PDE6B: variants seen among roughly 807,000 people sequenced by gnomAD.
PDE6B encodes rod cGMP-specific 3',5'-cyclic phosphodiesterase subunit beta.
Under a neutral mutation model 109.0 loss-of-function variants are expected in PDE6B, and 106 were observed. The observed-to-expected ratio is 0.97, with a 90% CI of 0.83 to 1.14. The LOEUF (loss-of-function observed/expected upper bound fraction) is 1.14. Ranked by LOEUF, PDE6B falls within the 50% of genes most tolerant of loss-of-function variation. The pLI, the probability that PDE6B is intolerant of heterozygous loss-of-function variation, is 0.00. For synonymous variants in PDE6B, 490 were observed against 471.3 expected, an observed-to-expected ratio of 1.04 and a Z score of -0.51; for missense variants, 1,193 against 1,155.6, an observed-to-expected ratio of 1.03 and a Z score of -0.47.
chr4:656,872 A>G lies in PDE6B; in HGVS notation c.1108-2A>G, dbSNP rs1316718953. The G allele has an allele frequency of 2.5e-6, 4 of 1,612,544 alleles. No homozygotes were observed. The highest frequency in any genetic ancestry group is 3.4e-6 in the Non-Finnish European group (4 of 1,179,872). On this transcript the variant is annotated splice_acceptor_variant, in intron 8 of 21. Coordinates refer to ENST00000496514, the MANE Select transcript of PDE6B (RefSeq NM_000283.4). LOFTEE classifies it high-confidence loss of function. The stretch of plus-strand genomic sequence containing the variant: ...GCTCAGCTCTGGACACCGCTCCCGC[A>G]GGAAGGGGCCCTGGACGACTCCGGG...
intron 3 of PDE6B, among the ~76,000 whole-genome samples, chr4:647,051 T>C (rs2109163042): frequency 6.6e-6 from 1 of 151,854 alleles, no homozygotes; most frequent in Non-Finnish European, 1.5e-5. Context: ...TAGAGATGAG[T>C]GTCACCATGT....
rs576553388 is a variant in PDE6B at position 667,301 on chromosome 4, G to T, written c.2353-555G>T. ...CCGGAGTGGGCTGTGCCCACTCCCCGCCCCATCCTACCCACCCCGGGTCGT... is the reference window on the plus strand; with the variant it reads ...CCGGAGTGGGCTGTGCCCACTCCCCTCCCCATCCTACCCACCCCGGGTCGT... On this transcript the variant is annotated intron_variant, in intron 20 of 21. Coordinates refer to ENST00000496514, the MANE Select transcript of PDE6B (RefSeq NM_000283.4). 6.8e-4 allele frequency among the ~76,000 whole-genome samples: 103 copies of T among 151,602 alleles called. 1 individual carries two copies. Among genetic ancestry groups the T allele is most frequent in the African/African-American group, 2.2e-3 (92 of 41,450 alleles).
At chr4:664,034 G>A (rs770275265) in intron 16 of PDE6B, 80 bp from the exon 17 acceptor site, 9 of 1,198,226 alleles carry the variant, frequency 7.5e-6, no homozygotes, top group South Asian at 3.6e-5. Context: ...CTCGGGCTCC[G>A]CGCCTCCCTG....
intron 3 of PDE6B, chr4:652,712 G>A (rs998959902): frequency 1.3e-5 from 2 of 156,446 alleles, no homozygotes; most frequent in Non-Finnish European, 2.8e-5. Flanking sequence ...TCCTGGGGGT[G>A]CGTGTGCAAC....
At chr4:634,876 T>TGCCTGCCC (rs1253345402) in intron 2 of PDE6B, 47 bp downstream of exon 2, 4 of 1,554,844 alleles carry the variant, frequency 2.6e-6, no homozygotes, top group Non-Finnish European at 3.5e-6. Context: ...CCTCCCTGCC[T>TGCCTGCCC]GCCTGCCCGC....
Position 626,220 on chromosome 4 carries a change from T to C in PDE6B, c.468+126T>C, listed in dbSNP as rs1042373227. 1.5e-6 allele frequency: 1 copy of C among 653,158 alleles called. No individual in the cohort carries two copies. The highest frequency in any genetic ancestry group is 2.7e-6 in the Non-Finnish European group (1 of 369,628). 40.5% of individuals were successfully genotyped at this position (653,158 alleles called of 1,614,324 possible). Reference sequence around the variant, plus strand: ...CTCTTGTCAGGGCACAGGCTAGTTCTGTGCTGAGGAGCAAGTACCTAGAGC... The same window carrying C: ...CTCTTGTCAGGGCACAGGCTAGTTCCGTGCTGAGGAGCAAGTACCTAGAGC... On this transcript the variant is annotated intron_variant, in intron 1 of 21. Coordinates refer to ENST00000496514, the MANE Select transcript of PDE6B (RefSeq NM_000283.4). The surrounding 1 kb of genome is among the most constrained non-coding windows in gnomAD (Gnocchi z 4.6).
At chr4:634,363 G>A (rs1000956555) in intron 1 of PDE6B, among the ~76,000 whole-genome samples, 2 of 152,158 alleles carry the variant, frequency 1.3e-5, no homozygotes, top group East Asian at 1.9e-4. Flanking sequence ...GAAGCCCGAC[G>A]TGGCCGGAGG....
intron 5 of PDE6B, 47 bp from the exon 6 acceptor site, chr4:654,777 C>G (rs769079297): frequency 2.0e-6 from 2 of 975,948 alleles, no homozygotes; most frequent in Admixed American, 3.4e-5. Context: ...GTGAGCCCCT[C>G]AGAGCTTGGC....
chr4:658,942 C>G lies in PDE6B; in HGVS notation c.1402-10C>G. On this transcript the variant is annotated splice_polypyrimidine_tract_variant and intron_variant, in intron 10 of 21. Transcript: ENST00000496514. ...GCTCTTTCTCGTGACACATCTGTGTCTCTGTGTAGCCAACCAGAGCGCGCC... is the reference window on the plus strand; with the variant it reads ...GCTCTTTCTCGTGACACATCTGTGTGTCTGTGTAGCCAACCAGAGCGCGCC... 1 of 1,606,810 alleles carries G rather than the reference C, an allele frequency of 6.2e-7. No individual in the cohort carries two copies. Among genetic ancestry groups the G allele is most frequent in the Non-Finnish European group, 8.5e-7 (1 of 1,173,740 alleles).
At chr4:661,848 G>A (rs1577295857) in intron 12 of PDE6B, 1 of 482,824 alleles carries the variant, frequency 2.1e-6, no homozygotes, top group Admixed American at 3.3e-5. Flanking sequence ...CCCAGCTTGA[G>A]GCCAGGCAGT....
intron 6 of PDE6B, 135 bp from the exon 7 acceptor site, chr4:655,805 T>C: frequency 2.7e-6 from 2 of 734,116 alleles, no homozygotes; most frequent in Non-Finnish European, 5.0e-6. Flanking sequence ...GACCAGCCCC[T>C]CTGACCCCTG....
rs755870254 is a variant in PDE6B, at chr4:661,956, A to G, written c.1615-178A>G. On this transcript the variant is annotated intron_variant, in intron 12 of 21. Transcript: ENST00000496514. ...GGTGCCAATGTGGCAGCCCCTACCC[A>G]GGAAGGCCAGCAGAGGCCAGTGGGA... The G allele has an allele frequency of 1.4e-4, 87 of 640,464 alleles. 1 individual carries two copies. The highest frequency in any genetic ancestry group is 6.7e-4 in the South Asian group (39 of 57,920). The allele number at this position is 640,464 out of a possible 1,614,324, so 39.7% of individuals were successfully genotyped here. A position where few individuals can be genotyped will look rare whatever the true frequency, so the allele number is the denominator to read the frequency against.
chr4:630,206 C>T (rs997423421), intron 1 of PDE6B, among the ~76,000 whole-genome samples: 8 of 152,120 alleles, frequency 5.3e-5, no homozygotes, highest in Admixed American at 6.5e-5. Flanking sequence ...AGCTGGCAGT[C>T]GGACAGGGAG....
Position 669,659 on chromosome 4 carries a change from CCGCTACGCCATG to C in PDE6B, c.2504-385_2504-374del, listed in dbSNP as rs1170552153. ...GCTATTCCCCTACCCCATGCTATTCCCGCTACGCCATGCTATTCCCGCTACCCCATGCTATTC... is the reference window on the plus strand; with the variant it reads ...GCTATTCCCCTACCCCATGCTATTCCCTATTCCCGCTACCCCATGCTATTC... On this transcript the variant is annotated intron_variant, in intron 21 of 21. Transcript: ENST00000496514. 3.3e-5 allele frequency among the ~76,000 whole-genome samples: 4 copies of C among 121,190 alleles called. 2 individuals are homozygous for C. The highest frequency in any genetic ancestry group is 1.6e-4 in the African/African-American group (4 of 25,756). 79.5% of individuals were successfully genotyped at this position (121,190 alleles called of 152,430 possible).
chr4:653,737 T>G (rs1577270459), intron 3 of PDE6B, 115 bp from the exon 4 acceptor site: 3 of 1,153,728 alleles, frequency 2.6e-6, no homozygotes, highest in Non-Finnish European at 1.3e-6. Flanking sequence ...GCTGGGCAGG[T>G]GGTCAGATCA....
chr4:625,683 C>T lies in PDE6B; in HGVS notation c.57C>T (p.Ala19=), dbSNP rs1429310895. The T allele has an allele frequency of 1.2e-6, 2 of 1,613,866 alleles. No homozygotes were observed. Among genetic ancestry groups the T allele is most frequent in the East Asian group, 4.5e-5 (2 of 44,898 alleles). ...RSFLDQNPDF[A]RQYFGKKLSP... ...TTCTGGACCAGAACCCCGATTTTGC[C>T]CGCCAGTACTTTGGGAAGAAACTGA... The change falls in exon 1 of 22, where the codon GCC becomes GCT. Residue 19 remains alanine, a synonymous_variant. Transcript: ENST00000496514. This position sits in a 1 kb window ranked among gnomAD's most constrained non-coding sequence, Gnocchi z 5.0.
chr4:660,811 A>C (rs1444841345), intron 12 of PDE6B, among the ~76,000 whole-genome samples, 198 bp downstream of exon 12: 1 of 152,108 alleles, frequency 6.6e-6, no homozygotes, highest in Non-Finnish European at 1.5e-5. Context: ...GCATAAAACA[A>C]ATAATTGGAT....
chr4:639,595 G>A (rs888593165), intron 3 of PDE6B, among the ~76,000 whole-genome samples: 1 of 152,158 alleles, frequency 6.6e-6, no homozygotes, highest in African/African-American at 2.4e-5. Flanking sequence ...CCATCGGCTT[G>A]AGCCACTGAG....
At chr4:655,680 A>T (rs1736135869) in intron 6 of PDE6B, 1 of 583,950 alleles carries the variant, frequency 1.7e-6, no homozygotes, top group Non-Finnish European at 3.1e-6. Flanking sequence ...TGAGGATGGC[A>T]CATGAGCCAG....
Sources: gnomAD v4.1 joint callset for allele counts (sites outside exome capture counted in the v4.1 genomes callset) on GRCh38, gnomAD v4.1.1 for gene constraint, Gnocchi (gnomAD v3.1) non-coding constraint, MANE v1.5 for transcripts, NCBI Gene and HGNC (gene_info 2026-07-23, HGNC 2026-07-21) for gene names.